BAZ2B: variants seen among roughly 807,000 people sequenced by gnomAD.
BAZ2B encodes bromodomain adjacent to zinc finger domain protein 2B.
In BAZ2B, 91 loss-of-function variants were observed where a neutral mutation model predicts 246.0. The observed-to-expected ratio is 0.37, with a 90% CI of 0.31 to 0.44. The LOEUF (loss-of-function observed/expected upper bound fraction) is 0.44, where lower values mean the gene tolerates loss of function less well. BAZ2B is among the 20% of genes least tolerant of loss of function. BAZ2B has a pLI of 1.00. For synonymous variants in BAZ2B, 855 were observed against 860.0 expected (o/e 0.99, Z 0.10); for missense variants, 2,332 against 2,533.7 (o/e 0.92, Z 1.71).
At chr2:159,498,159 G>A (rs59725924) in intron 2 of BAZ2B, among the ~76,000 whole-genome samples, 38,362 of 152,066 alleles carry the variant, frequency 0.25, 5,309 homozygotes, top group African/African-American at 0.37. Flanking sequence ...ACTTCAAAGA[G>A]TTATAAAGAG....
chr2:159,348,383 A>G (rs1277483841), intron 30 of BAZ2B, among the ~76,000 whole-genome samples: 1 of 150,568 alleles, frequency 6.6e-6, no homozygotes, highest in African/African-American at 2.5e-5. Context: ...ACATCCTCCC[A>G]TATGCTTCAA....
At chr2:159,465,682 G>A (rs2076948529) in intron 3 of BAZ2B, among the ~76,000 whole-genome samples, 1 of 152,178 alleles carries the variant, frequency 6.6e-6, no homozygotes, top group Non-Finnish European at 1.5e-5. Context: ...AGTATTTTGG[G>A]AGGCCGAGGT....
At chr2:159,351,942 T>G (rs1440308078) in intron 27 of BAZ2B, among the ~76,000 whole-genome samples, 2 of 152,336 alleles carry the variant, frequency 1.3e-5, no homozygotes, top group African/African-American at 4.8e-5. Context: ...CCATGGTTAA[T>G]TACATCAATA....
chr2:159,334,517 TTA>T (rs1191438622), intron 33 of BAZ2B, among the ~76,000 whole-genome samples: 1 of 152,174 alleles, frequency 6.6e-6, no homozygotes, highest in Non-Finnish European at 1.5e-5. Flanking sequence ...ACTATGAGGA[TTA>T]CTATAGGCAC....
intron 21 of BAZ2B, among the ~76,000 whole-genome samples, chr2:159,389,029 T>C (rs1454275107): frequency 6.6e-6 from 1 of 152,062 alleles, no homozygotes; most frequent in Non-Finnish European, 1.5e-5. Flanking sequence ...GAGGCTTCAG[T>C]GAGCTATAAT....
At chr2:159,484,204 C>G (rs930229038) in intron 2 of BAZ2B, among the ~76,000 whole-genome samples, 1 of 152,126 alleles carries the variant, frequency 6.6e-6, no homozygotes, top group Admixed American at 6.6e-5. Flanking sequence ...ATGAAAAACT[C>G]TGATCTAAAA....
chr2:159,432,383 C>T (rs200883256), intron 9 of BAZ2B, among the ~76,000 whole-genome samples: 1 of 151,560 alleles, frequency 6.6e-6, no homozygotes, highest in Non-Finnish European at 1.5e-5. Context: ...TTCTGAATGA[C>T]GACTATAATT....
At chr2:159,489,828 G>A (rs759463091) in intron 2 of BAZ2B, among the ~76,000 whole-genome samples, 12 of 152,166 alleles carry the variant, frequency 7.9e-5, no homozygotes, top group Non-Finnish European at 1.3e-4. Context: ...CAGGAGGACT[G>A]CTTAAGCCCA....
the BAZ2B span, among the ~76,000 whole-genome samples, chr2:159,704,994 C>A: frequency 2.0e-5 from 3 of 148,692 alleles, no homozygotes; most frequent in Non-Finnish European, 4.5e-5. Context: ...CCACGCCCAG[C>A]CTCGTCTGGC....
intron 17 of BAZ2B, among the ~76,000 whole-genome samples, chr2:159,400,131 A>G (rs969852497): frequency 2.0e-5 from 3 of 152,178 alleles, no homozygotes; most frequent in East Asian, 1.9e-4. Context: ...GATGTCCTCT[A>G]TCTCTATTCT....
At chr2:159,345,444 T>A (rs11884022) in intron 31 of BAZ2B, among the ~76,000 whole-genome samples, 3 of 152,112 alleles carry the variant, frequency 2.0e-5, no homozygotes. Context: ...TACTCCATGA[T>A]ACTGTACATT....
At chr2:159,541,728 T>G (rs2086685582) in intron 2 of BAZ2B, among the ~76,000 whole-genome samples, 1 of 152,238 alleles carries the variant, frequency 6.6e-6, no homozygotes, top group African/African-American at 2.4e-5. Flanking sequence ...CTACGTTCCC[T>G]TCCTATTTAT....
chr2:159,503,625 G>T (rs2082051951), intron 2 of BAZ2B, among the ~76,000 whole-genome samples: 1 of 151,670 alleles, frequency 6.6e-6, no homozygotes, highest in Non-Finnish European at 1.5e-5. Context: ...TGTTGCCCTG[G>T]CTGGAGTGCA....
intron 1 of BAZ2B, among the ~76,000 whole-genome samples, chr2:159,598,603 A>C (rs1258890394): frequency 6.6e-6 from 1 of 152,090 alleles, no homozygotes; most frequent in Admixed American, 6.5e-5. Context: ...TAATCCCAAC[A>C]CTTTGGGAAG....
chr2:159,360,293 A>T (rs1290743101), intron 27 of BAZ2B, among the ~76,000 whole-genome samples: 2 of 152,222 alleles, frequency 1.3e-5, no homozygotes, highest in African/African-American at 4.8e-5. Context: ...AATCACAAGC[A>T]TTCCTATCCA....
chr2:159,332,490 T>G, intron 34 of BAZ2B, 50 bp downstream of exon 34: 1 of 1,536,832 alleles, frequency 6.5e-7, no homozygotes, highest in South Asian at 1.2e-5. Flanking sequence ...ATTAAAAAAA[T>G]AATAAAAAGA....
At chr2:159,638,386 A>T in the BAZ2B span, among the ~76,000 whole-genome samples, 1 of 152,238 alleles carries the variant, frequency 6.6e-6, no homozygotes, top group South Asian at 2.1e-4. Context: ...ACATGACCTC[A>T]CCAAATGAAC....
chr2:159,464,087 T>C (rs2076749793), intron 3 of BAZ2B: 1 of 152,184 alleles, frequency 6.6e-6, no homozygotes, highest in Non-Finnish European at 1.5e-5. Context: ...CTATATACTG[T>C]CTACCCAACC....
chr2:159,426,676 G>A (rs58968710), intron 13 of BAZ2B, among the ~76,000 whole-genome samples: 8,740 of 152,082 alleles, frequency 0.057, 476 homozygotes, highest in African/African-American at 0.13. Flanking sequence ...TAAAAGTCAT[G>A]GACTACAATA....
Sources: gnomAD v4.1 joint callset for allele counts (sites outside exome capture counted in the v4.1 genomes callset) on GRCh38, gnomAD v4.1.1 for gene constraint, MANE v1.5 for transcripts, NCBI Gene and HGNC (gene_info 2026-07-23, HGNC 2026-07-21) for gene names.